SLC17A4: variants seen among roughly 807,000 people sequenced by gnomAD.
The protein encoded by SLC17A4 is probable small intestine urate exporter.
Under a neutral mutation model 52.5 loss-of-function variants are expected in SLC17A4, and 33 were observed. The ratio of observed to expected loss-of-function variants is 0.63; its 90% CI spans 0.48 to 0.84. The LOEUF is 0.84. Among genes scored for constraint, SLC17A4 ranks in the 40% least tolerant of loss-of-function variants. The pLI, the probability that SLC17A4 is intolerant of heterozygous loss-of-function variation, is 0.00. For missense variants in SLC17A4, 585 were observed against 597.1 expected, an observed-to-expected ratio of 0.98 and a Z score of 0.21; for synonymous variants, 225 against 216.2, an observed-to-expected ratio of 1.04 and a Z score of -0.36.
intron 3 of SLC17A4, 42 bp downstream of exon 3, chr6:25,769,232 A>T: frequency 6.6e-7 from 1 of 1,525,638 alleles, no homozygotes; most frequent in Non-Finnish European, 9.1e-7. Context: ...TGACTCAAAT[A>T]ATTTGACTTA....
chr6:25,763,900 A>T (rs1229263111), intron 2 of SLC17A4, among the ~76,000 whole-genome samples: 1 of 152,222 alleles, frequency 6.6e-6, no homozygotes, highest in African/African-American at 2.4e-5. Context: ...TCACAAAATC[A>T]AAAGCAAATC....
intron 2 of SLC17A4, chr6:25,768,489 C>A: frequency 1.6e-6 from 1 of 625,792 alleles, no homozygotes; most frequent in Non-Finnish European, 2.0e-6. Flanking sequence ...ATGATCTAAC[C>A]ATAGCCTATC....
chr6:25,772,792 C>G (rs1762588751), intron 6 of SLC17A4, among the ~76,000 whole-genome samples: 1 of 152,166 alleles, frequency 6.6e-6, no homozygotes, highest in Non-Finnish European at 1.5e-5. Context: ...AGGGCATTTT[C>G]AAGCACGTGG....
intron 1 of SLC17A4, among the ~76,000 whole-genome samples, chr6:25,756,910 C>G (rs2151410748): frequency 6.6e-6 from 1 of 152,260 alleles, no homozygotes; most frequent in East Asian, 1.9e-4. Context: ...GTCTTTAGTT[C>G]TTGTGACTGA....
chr6:25,777,999 G>T lies in SLC17A4; in HGVS notation c.1342G>T (p.Gly448Ter). The T allele has an allele frequency of 6.2e-7, 1 of 1,612,166 alleles. No homozygotes were observed. ...IAGAISPTAAGFFISQDSEFG... is the reference protein window; with the variant it reads ...IAGAISPTAA ...TGGAGCCATCTCTCCTACTGCTGCT[G>T]GATTTTTCATCAGTCAGGTGAGGTC... is the stretch of plus-strand genomic sequence containing the variant. The change falls in exon 11 of 12, where the codon GGA (glycine) becomes TGA (stop). Residue 448 changes from glycine to a stop codon, truncating the protein, a stop_gained. Transcript: ENST00000377905. LOFTEE classifies it low-confidence loss of function (END_TRUNC).
rs371300282 is a variant in SLC17A4, at chr6:25,778,045, A to G, written c.1359+29A>G. The G allele has an allele frequency of 2.1e-5, 33 of 1,575,642 alleles. No individual in the cohort carries two copies. The African/African-American group carries it at 3.9e-4, about 19-fold the overall frequency. Reference sequence around the variant, plus strand: ...AGGTCAAATGTTCTGATGAATATTCATAAAAGAAACCTATAGAGGCATGGT... The same window carrying G: ...AGGTCAAATGTTCTGATGAATATTCGTAAAAGAAACCTATAGAGGCATGGT... On this transcript the variant is annotated intron_variant, in intron 11 of 11. Coordinates refer to ENST00000377905, the MANE Select transcript of SLC17A4 (RefSeq NM_005495.3).
chr6:25,760,803 T>A (rs1332901955), intron 1 of SLC17A4, among the ~76,000 whole-genome samples: 1 of 152,214 alleles, frequency 6.6e-6, no homozygotes, highest in Non-Finnish European at 1.5e-5. Flanking sequence ...AGTATCTTTC[T>A]TAAATCTGCC....
chr6:25,777,747 C>A (rs1199754520), intron 10 of SLC17A4, 179 bp from the exon 11 acceptor site: 6 of 578,492 alleles, frequency 1.0e-5, no homozygotes, highest in Non-Finnish European at 1.9e-5. Flanking sequence ...ACATTTCATT[C>A]AGGTTTCACC....
intron 2 of SLC17A4, chr6:25,768,337 G>T: frequency 2.0e-6 from 2 of 982,612 alleles, no homozygotes; most frequent in Non-Finnish European, 2.4e-6. Context: ...TCTCTACAGG[G>T]ATAGTGGATG....
Position 25,770,226 on chromosome 6 carries a change from CT to C in SLC17A4, c.458del (p.Leu153ProfsTer23). On this transcript the variant is annotated frameshift_variant, in exon 4 of 12. Transcript: ENST00000377905. LOFTEE classifies it high-confidence loss of function. ...CTTGTTTATTTCCTCATTCCTGACCCTCTTCATTCCACTGGCAGCTAATGCG... is the reference window on the plus strand; with the variant it reads ...CTTGTTTATTTCCTCATTCCTGACCCCTTCATTCCACTGGCAGCTAATGCG... ...AGLFISSFLT[L>X]FIPLAANAGV... The C allele has an allele frequency of 6.2e-7, 1 of 1,614,138 alleles. No individual in the cohort carries two copies.
intron 6 of SLC17A4, among the ~76,000 whole-genome samples, chr6:25,772,949 G>T (rs1027195013): frequency 6.6e-6 from 1 of 152,216 alleles, no homozygotes; most frequent in African/African-American, 2.4e-5. Context: ...CTCTGTGTCT[G>T]TCATCTGCCT....
intron 6 of SLC17A4, among the ~76,000 whole-genome samples, chr6:25,772,237 G>C (rs1439371912): frequency 6.6e-6 from 1 of 152,118 alleles, no homozygotes; most frequent in Non-Finnish European, 1.5e-5. Context: ...GAAACAGTAA[G>C]GAGCATATAC....
At chr6:25,774,827 C>T (rs190554245) in intron 8 of SLC17A4, among the ~76,000 whole-genome samples, 187 of 152,328 alleles carry the variant, frequency 1.2e-3, no homozygotes, top group African/African-American at 3.5e-3. Context: ...GCCTTCAGGG[C>T]ATTTTCTCAC....
At chr6:25,774,283 G>T (rs1203640060) in intron 8 of SLC17A4, among the ~76,000 whole-genome samples, 1 of 152,198 alleles carries the variant, frequency 6.6e-6, no homozygotes, top group African/African-American at 2.4e-5. Context: ...TGGCTGACAG[G>T]AGCCTTTCAA....
At position 25,777,911 on chromosome 6, in the gene SLC17A4, A is replaced by ATC. The variant is rs750339003; in HGVS notation, c.1269-4_1269-3dup. 2.7e-5 allele frequency: 42 copies of ATC among 1,584,456 alleles called. 1 individual carries two copies. In the South Asian group the frequency reaches 3.8e-4, roughly 14 times the overall value. Reference sequence around the variant, plus strand: ...GTATACTTGGTTATAATAGAGTACCATCTCTCTCTCTCAGGTACACTGGCT... The same window carrying ATC: ...GTATACTTGGTTATAATAGAGTACCATCTCTCTCTCTCTCAGGTACACTGGCT... On this transcript the variant is annotated splice_polypyrimidine_tract_variant and intron_variant, in intron 10 of 11. Transcript: ENST00000377905.
chr6:25,775,351 T>G (rs1270251809), intron 8 of SLC17A4, among the ~76,000 whole-genome samples: 1 of 150,364 alleles, frequency 6.7e-6, no homozygotes, highest in Non-Finnish European at 1.5e-5. Context: ...ATAGAAAGAC[T>G]GAAAAATCTT....
At chr6:25,781,174 C>CAGAAAGAA (rs71811983) in exon 12 of SLC17A4, 1 of 141,212 alleles carries the variant, frequency 7.1e-6, no homozygotes, top group African/African-American at 2.7e-5. Context: ...GGATGATTAG[C>CAGAAAGAA]AGAAAGAAAG....
chr6:25,764,085 C>T (rs7762292), intron 2 of SLC17A4, among the ~76,000 whole-genome samples: 1 of 152,282 alleles, frequency 6.6e-6, no homozygotes, highest in Admixed American at 6.5e-5. Flanking sequence ...GAGGACACCC[C>T]AAAGTCACAG....
In SLC17A4 at chr6:25,761,448, A is replaced by G. The variant is rs1761521087; in HGVS notation, c.-36-479A>G. 2.6e-5 allele frequency among the ~76,000 whole-genome samples: 4 copies of G among 152,208 alleles called. No homozygotes were observed. In the South Asian group the frequency reaches 8.3e-4, roughly 32 times the overall value. On this transcript the variant is annotated intron_variant, in intron 1 of 11. Transcript: ENST00000377905. ...CAATCTCATGGTCACTGAAGTTAGC[A>G]CAGACATCTAACTCGGTGGAGATAT...
Sources: gnomAD v4.1 joint callset for allele counts (sites outside exome capture counted in the v4.1 genomes callset) on GRCh38, gnomAD v4.1.1 for gene constraint, MANE v1.5 for transcripts, NCBI Gene and HGNC (gene_info 2026-07-23, HGNC 2026-07-21) for gene names.